WDPCP: variants seen among roughly 807,000 people sequenced by gnomAD.
WDPCP encodes WD repeat-containing and planar cell polarity effector protein fritz homolog.
Under a neutral mutation model 93.1 loss-of-function variants are expected in WDPCP, and 71 were observed. The ratio of observed to expected loss-of-function variants is 0.76; its 90% confidence interval spans 0.63 to 0.93. The LOEUF (loss-of-function observed/expected upper bound fraction) is 0.93, where lower values mean the gene tolerates loss of function less well. Among genes scored for constraint, WDPCP ranks in the 40% least tolerant of loss-of-function variants. The pLI, the probability that WDPCP is intolerant of heterozygous loss-of-function variation, is 0.00. For missense variants in WDPCP, 844 were observed against 887.4 expected, an observed-to-expected ratio of 0.95 and a Z score of 0.62; for synonymous variants, 315 against 315.0, an observed-to-expected ratio of 1.00 and a Z score of 0.00.
intron 3 of WDPCP, among the ~76,000 whole-genome samples, chr2:63,614,220 T>G (rs770547399): frequency 2.6e-5 from 4 of 152,206 alleles, no homozygotes; most frequent in Non-Finnish European, 5.9e-5. Flanking sequence ...AAGAAGATTT[T>G]TAAACCTCAA....
At chr2:63,736,571 T>C (rs1016212423) in intron 2 of WDPCP, among the ~76,000 whole-genome samples, 1 of 152,198 alleles carries the variant, frequency 6.6e-6, no homozygotes, top group African/African-American at 2.4e-5. Flanking sequence ...AGGAAGTAAC[T>C]GAAAATCTGC....
At chr2:63,557,143 A>G (rs778017787) in intron 1 of WDPCP, among the ~76,000 whole-genome samples, 1 of 152,248 alleles carries the variant, frequency 6.6e-6, no homozygotes, top group Non-Finnish European at 1.5e-5. Context: ...TCACAATGAC[A>G]GAATCAAATT....
At chr2:63,146,496 C>T (rs1247574122) in intron 17 of WDPCP, among the ~76,000 whole-genome samples, 3 of 151,242 alleles carry the variant, frequency 2.0e-5, no homozygotes, top group Admixed American at 6.6e-5. Flanking sequence ...TCTCTGCCTC[C>T]GCCTCCTGAG....
chr2:63,606,911 G>A (rs756849053), intron 3 of WDPCP: 5 of 1,612,242 alleles, frequency 3.1e-6, no homozygotes, highest in South Asian at 1.1e-5. Context: ...GATTTCTCAC[G>A]TGAGAAGATG....
At chr2:63,766,526 T>C (rs1245054227) in intron 2 of WDPCP, among the ~76,000 whole-genome samples, 3 of 151,888 alleles carry the variant, frequency 2.0e-5, no homozygotes, top group East Asian at 1.9e-4. Flanking sequence ...GGATTATGTA[T>C]AGTTATCTTA....
chr2:63,277,020 G>A (rs928230906), intron 13 of WDPCP, among the ~76,000 whole-genome samples: 5 of 152,216 alleles, frequency 3.3e-5, no homozygotes, highest in South Asian at 4.1e-4. Context: ...TCAGAGTAAC[G>A]CATATTTCTC....
At chr2:63,707,003 G>T (rs1330066492) in intron 2 of WDPCP, among the ~76,000 whole-genome samples, 1 of 152,192 alleles carries the variant, frequency 6.6e-6, no homozygotes, top group Non-Finnish European at 1.5e-5. Flanking sequence ...TCAGTTGTTA[G>T]TCTGATGGGC....
At chr2:63,319,884 A>T (rs368573240) in intron 12 of WDPCP, among the ~76,000 whole-genome samples, 1 of 152,234 alleles carries the variant, frequency 6.6e-6, no homozygotes, top group Non-Finnish European at 1.5e-5. Context: ...ATACATTTTA[A>T]ACATTATAAT....
chr2:63,733,180 A>G (rs1313004743), intron 2 of WDPCP, among the ~76,000 whole-genome samples: 2 of 145,806 alleles, frequency 1.4e-5, no homozygotes, highest in South Asian at 4.3e-4. Flanking sequence ...ATACAAATAA[A>G]TGATTTTTTT....
chr2:63,374,594 C>T (rs1393817435), intron 12 of WDPCP, among the ~76,000 whole-genome samples: 3 of 152,052 alleles, frequency 2.0e-5, no homozygotes, highest in East Asian at 3.9e-4. Flanking sequence ...TGCTTAAGAA[C>T]TGTTTTAGTC....
chr2:63,763,028 C>T (rs1279704186), intron 2 of WDPCP, among the ~76,000 whole-genome samples: 1 of 152,152 alleles, frequency 6.6e-6, no homozygotes, highest in East Asian at 1.9e-4. Flanking sequence ...CAAACAGAGT[C>T]TTGATATCTT....
At chr2:63,836,554 A>T in the WDPCP span, among the ~76,000 whole-genome samples, 1 of 152,180 alleles carries the variant, frequency 6.6e-6, no homozygotes, top group Non-Finnish European at 1.5e-5. Context: ...TTATCTTTTC[A>T]AATTATAATC....
chr2:63,607,691 G>A (rs1000705920), intron 3 of WDPCP, among the ~76,000 whole-genome samples: 5 of 151,798 alleles, frequency 3.3e-5, no homozygotes, highest in Admixed American at 6.6e-5. Flanking sequence ...TTAGCCAGGC[G>A]TGGTGGCGGG....
intron 2 of WDPCP, among the ~76,000 whole-genome samples, chr2:63,716,031 T>C (rs1437813664): frequency 6.6e-6 from 1 of 152,228 alleles, no homozygotes. Flanking sequence ...TAATGTGTTC[T>C]TGCTGCAAGA....
At chr2:63,647,807 C>A (rs1332763099) in intron 3 of WDPCP, among the ~76,000 whole-genome samples, 3 of 151,640 alleles carry the variant, frequency 2.0e-5, no homozygotes. Context: ...TTTTTTACAA[C>A]TGCATGTGAA....
At chr2:63,159,492 T>G (rs1380196583) in intron 15 of WDPCP, among the ~76,000 whole-genome samples, 1 of 152,206 alleles carries the variant, frequency 6.6e-6, no homozygotes, top group African/African-American at 2.4e-5. Flanking sequence ...TCTTTTCTCA[T>G]GTGAGTTGAG....
At chr2:63,352,150 T>C (rs1488057316) in intron 12 of WDPCP, among the ~76,000 whole-genome samples, 1 of 152,208 alleles carries the variant, frequency 6.6e-6, no homozygotes, top group Non-Finnish European at 1.5e-5. Flanking sequence ...TTTAATTTCC[T>C]TATAGATTCT....
intron 9 of WDPCP, 82 bp downstream of exon 9, chr2:63,433,663 C>A (rs1266076615): frequency 7.6e-7 from 1 of 1,312,668 alleles, no homozygotes; most frequent in Non-Finnish European, 1.0e-6. Context: ...AAAAAATATT[C>A]ACATTTATTT....
At chr2:63,530,378 C>T (rs67356044) in intron 1 of WDPCP, among the ~76,000 whole-genome samples, 29,293 of 152,148 alleles carry the variant, frequency 0.19, 3,018 homozygotes, top group Middle Eastern at 0.28. Context: ...TTAAATGTGT[C>T]CCAGAGATTC....
Sources: gnomAD v4.1 joint callset for allele counts (sites outside exome capture counted in the v4.1 genomes callset) on GRCh38, gnomAD v4.1.1 for gene constraint, MANE v1.5 for transcripts, NCBI Gene and HGNC (gene_info 2026-07-23, HGNC 2026-07-21) for gene names.